SP3: variants seen among roughly 807,000 people sequenced by gnomAD.
SP3 encodes the protein Sp3 transcription factor.
Under a neutral mutation model 70.3 loss-of-function variants are expected in SP3, and 10 were observed. The observed-to-expected ratio is 0.14, with a 90% CI of 0.09 to 0.24. The LOEUF (loss-of-function observed/expected upper bound fraction) is 0.24. Ranked by LOEUF, SP3 falls within the 10% of genes least tolerant of loss-of-function variation. The probability of loss-of-function intolerance (pLI) is 1.00; values close to 1 mark genes in which losing one functional copy is unlikely to be tolerated. For missense variants in SP3, 825 were observed against 914.6 expected (o/e 0.90, Z 1.26); for synonymous variants, 402 against 333.5 (o/e 1.21, Z -2.24).
chr2:173,953,296 G>A (rs977651301), intron 4 of SP3, among the ~76,000 whole-genome samples: 2 of 152,202 alleles, frequency 1.3e-5, no homozygotes, highest in Non-Finnish European at 2.9e-5. Context: ...AGAGAACAAG[G>A]CAAACAATTT....
intron 3 of SP3, among the ~76,000 whole-genome samples, chr2:173,960,107 C>T (rs1211811956): frequency 6.6e-6 from 1 of 152,162 alleles, no homozygotes; most frequent in South Asian, 2.1e-4. Flanking sequence ...GTGGTTGAGG[C>T]TGCAGTGAGT....
chr2:173,933,301 T>C (rs1299042961), intron 4 of SP3, among the ~76,000 whole-genome samples: 1 of 152,146 alleles, frequency 6.6e-6, no homozygotes. Flanking sequence ...TTTATTACAC[T>C]TACAGCACAT....
At chr2:173,960,507 T>A (rs1279597497) in intron 3 of SP3, among the ~76,000 whole-genome samples, 1 of 152,222 alleles carries the variant, frequency 6.6e-6, no homozygotes, top group Non-Finnish European at 1.5e-5. Flanking sequence ...AGAATTACCC[T>A]ACCCAATGAA....
chr2:173,913,920 T>C (rs1357086080), intron 5 of SP3: 2 of 152,162 alleles, frequency 1.3e-5, no homozygotes, highest in South Asian at 4.1e-4. Flanking sequence ...TCCCTTCATA[T>C]TAACCATGTA....
At chr2:173,921,344 G>C (rs181889488) in intron 4 of SP3, among the ~76,000 whole-genome samples, 1 of 152,142 alleles carries the variant, frequency 6.6e-6, no homozygotes, top group Non-Finnish European at 1.5e-5. Flanking sequence ...GTATGGCTAC[G>C]ATGTGCCAGT....
At chr2:173,963,687 T>G in intron 3 of SP3, 74 bp downstream of exon 3, 1 of 529,530 alleles carries the variant, frequency 1.9e-6, no homozygotes, top group Non-Finnish European at 2.4e-6. Flanking sequence ...GGGAGGCCTT[T>G]TGGGCAGGCG....
intron 6 of SP3, among the ~76,000 whole-genome samples, chr2:173,912,802 G>A (rs937842750): frequency 2.0e-5 from 3 of 152,106 alleles, no homozygotes; most frequent in East Asian, 1.9e-4. Flanking sequence ...AATAAAAATA[G>A]TATAAATGTG....
intron 3 of SP3, among the ~76,000 whole-genome samples, chr2:173,958,463 C>G (rs1296783773): frequency 6.6e-6 from 1 of 151,520 alleles, no homozygotes; most frequent in East Asian, 1.9e-4. Flanking sequence ...CTCAGCAATT[C>G]AGGCCATTAA....
At chr2:173,918,547 G>C (rs756491432) in intron 5 of SP3, 46 bp downstream of exon 5, 1 of 1,517,958 alleles carries the variant, frequency 6.6e-7, no homozygotes, top group Non-Finnish European at 8.9e-7. Flanking sequence ...AAATCAGAAT[G>C]ATATTAGCAC....
At chr2:173,945,565 A>G (rs994429609) in intron 4 of SP3, among the ~76,000 whole-genome samples, 3 of 152,208 alleles carry the variant, frequency 2.0e-5, no homozygotes, top group African/African-American at 7.2e-5. Flanking sequence ...GGGGGAAAAT[A>G]AAAAACATAA....
At chr2:173,938,754 GA>G (rs573660570) in intron 4 of SP3, among the ~76,000 whole-genome samples, 87 of 152,238 alleles carry the variant, frequency 5.7e-4, no homozygotes, top group African/African-American at 2.0e-3. Context: ...GCTAAGTCTT[GA>G]AAGATGTCAA....
Position 173,955,864 on chromosome 2 carries a change from G to A in SP3, c.648C>T (p.Ala216=), listed in dbSNP as rs1419090940. ...IIPGSNQTLL[A]SGTPSANIQN... Reference sequence around the variant, plus strand: ...GGATGTTAGCAGAAGGTGTTCCAGAGGCAAGTAAGGTTTGATTAGAGCCAG... The same window carrying A: ...GGATGTTAGCAGAAGGTGTTCCAGAAGCAAGTAAGGTTTGATTAGAGCCAG... The change falls in exon 4 of 7, where the codon GCC becomes GCT. Residue 216 remains alanine, a synonymous_variant. Transcript: ENST00000310015. The A allele has an allele frequency of 3.1e-6, 5 of 1,614,078 alleles. No individual in the cohort carries two copies. The African/African-American group carries it at 4.0e-5, about 13-fold the overall frequency.
chr2:173,937,148 T>G (rs1293249556), intron 4 of SP3, among the ~76,000 whole-genome samples: 1 of 152,198 alleles, frequency 6.6e-6, no homozygotes, highest in Non-Finnish European at 1.5e-5. Context: ...ATTTTCACAG[T>G]AAGAAACTTG....
intron 4 of SP3, among the ~76,000 whole-genome samples, chr2:173,945,023 A>C (rs1021492474): frequency 4.6e-5 from 7 of 152,220 alleles, no homozygotes; most frequent in African/African-American, 1.7e-4. Context: ...AGCTCTCTAA[A>C]ATTCTATGGT....
chr2:173,927,801 G>GT (rs1180094227), intron 4 of SP3, among the ~76,000 whole-genome samples: 3 of 152,106 alleles, frequency 2.0e-5, no homozygotes, highest in Non-Finnish European at 4.4e-5. Flanking sequence ...CAGGGCATCA[G>GT]TTATTTAAGA....
chr2:173,954,816 T>G, intron 4 of SP3, 57 bp downstream of exon 4: 1 of 1,522,276 alleles, frequency 6.6e-7, no homozygotes, highest in African/African-American at 1.4e-5. Flanking sequence ...AGCAAAAAAT[T>G]TCCCTCTATG....
At chr2:173,939,748 G>T (rs1044574394) in intron 4 of SP3, among the ~76,000 whole-genome samples, 2 of 50,104 alleles carry the variant, frequency 4.0e-5, no homozygotes, top group East Asian at 1.9e-3. Flanking sequence ...CTGAGCAACA[G>T]AGCAAGACTC....
chr2:173,964,171 G>C (rs1047693449), intron 2 of SP3: 9 of 404,692 alleles, frequency 2.2e-5, no homozygotes, highest in Non-Finnish European at 3.9e-5. Context: ...GGGAGGGCAC[G>C]CTGGGGCCCA....
chr2:173,922,521 A>C (rs1689784252), intron 4 of SP3, among the ~76,000 whole-genome samples: 1 of 151,874 alleles, frequency 6.6e-6, no homozygotes, highest in African/African-American at 2.4e-5. Flanking sequence ...CATATACATT[A>C]GGCATTGAGA....
Sources: gnomAD v4.1 joint callset for allele counts (sites outside exome capture counted in the v4.1 genomes callset) on GRCh38, gnomAD v4.1.1 for gene constraint, MANE v1.5 for transcripts, NCBI Gene and HGNC (gene_info 2026-07-23, HGNC 2026-07-21) for gene names.